Variants in MED15 observed in about 807,000 individuals in gnomAD.
The protein encoded by MED15 is mediator complex subunit 15, also known as mediator of RNA polymerase II transcription subunit 15.
Under a neutral mutation model 118.7 loss-of-function variants are expected in MED15, and 41 were observed. That is an observed-to-expected ratio of 0.35 (90% CI 0.27 to 0.45). MED15 has a LOEUF of 0.45. MED15 is among the 20% of genes least tolerant of loss of function. The pLI, the probability that MED15 is intolerant of heterozygous loss-of-function variation, is 1.00. For missense variants in MED15, 740 were observed against 1,025.5 expected (o/e 0.72, Z 3.80); for synonymous variants, 436 against 413.9 (o/e 1.05, Z -0.65).
At chr22:20,554,685 T>G in intron 4 of MED15, 1 of 382,766 alleles carries the variant, frequency 2.6e-6, no homozygotes, top group Non-Finnish European at 4.7e-6. Flanking sequence ...AGAGAGGTCA[T>G]TTGTCCCTTA....
chr22:20,557,742 G>A (rs1201281990), intron 5 of MED15, among the ~76,000 whole-genome samples: 2 of 152,314 alleles, frequency 1.3e-5, no homozygotes, highest in South Asian at 2.1e-4. Context: ...GCCCTCCCCA[G>A]TCTGGCCTTG....
chr22:20,566,523 G>A lies in MED15; in HGVS notation c.747G>A (p.Gln249=), dbSNP rs1569229702. The A allele has an allele frequency of 1.3e-6, 2 of 1,598,366 alleles. No homozygotes were observed. Among genetic ancestry groups the A allele is most frequent in the East Asian group, 2.2e-5 (1 of 44,674 alleles). ...TAGCACAGCTGCAGCTCCAACAACAGCAACAGCAGCAGCAGCAGCAGCAGC... is the reference window on the plus strand; with the variant it reads ...TAGCACAGCTGCAGCTCCAACAACAACAACAGCAGCAGCAGCAGCAGCAGC... ...QRIAQLQLQQ[Q]QQQQQQQQQQ... Residue 249 remains glutamine (Q), a synonymous_variant, in exon 7 of 18, where the codon CAG becomes CAA. Transcript: ENST00000263205.
At chr22:20,554,855 C>A in intron 4 of MED15, 81 bp from the exon 5 acceptor site, 1 of 1,364,492 alleles carries the variant, frequency 7.3e-7, no homozygotes, top group South Asian at 1.4e-5. Context: ...GAGATCTGTG[C>A]TCTGTGAGCC....
intron 9 of MED15, chr22:20,581,755 G>A (rs772896164): frequency 6.6e-6 from 1 of 152,284 alleles, no homozygotes; most frequent in East Asian, 1.9e-4. Flanking sequence ...TGATGCCTGG[G>A]TGGTGTGGTT....
At position 20,582,609 on chromosome 22, in the gene MED15, A is replaced by T; in HGVS notation, c.1273-2A>T. 1 of 1,548,370 alleles carries T rather than the reference A, an allele frequency of 6.5e-7. No individual in the cohort carries two copies. Among genetic ancestry groups the T allele is most frequent in the South Asian group, 1.2e-5 (1 of 85,296 alleles). ...GCGCCGGCTGAGCCCCTCCACTTCC[A>T]GGTCAGCCAGAGCAGCCTCCCCATG... On this transcript the variant is annotated splice_acceptor_variant, in intron 9 of 17. Coordinates refer to ENST00000263205, the MANE Select transcript of MED15 (RefSeq NM_001003891.3). LOFTEE classifies it high-confidence loss of function.
chr22:20,552,609 G>T, intron 3 of MED15: 2 of 413,314 alleles, frequency 4.8e-6, no homozygotes, highest in Non-Finnish European at 9.9e-6. Context: ...CGAGCAGGAG[G>T]CTCAGGGCCC....
intron 6 of MED15, among the ~76,000 whole-genome samples, chr22:20,565,043 A>G (rs2056385900): frequency 6.6e-6 from 1 of 152,198 alleles, no homozygotes; most frequent in Non-Finnish European, 1.5e-5. Flanking sequence ...GAGAATCGCT[A>G]GAACCTGGGA....
At chr22:20,561,348 G>A (rs1306160649) in intron 5 of MED15, among the ~76,000 whole-genome samples, 10 of 152,154 alleles carry the variant, frequency 6.6e-5, no homozygotes, top group South Asian at 6.2e-4. Flanking sequence ...GTGAAACGCC[G>A]TCTCTCCTAA....
intron 16 of MED15, 158 bp downstream of exon 16, chr22:20,585,425 G>A: frequency 2.0e-6 from 2 of 1,024,094 alleles, no homozygotes; most frequent in Non-Finnish European, 2.8e-6. Flanking sequence ...CCGGGCTCCA[G>A]ACAGCCTGGC....
intron 7 of MED15, among the ~76,000 whole-genome samples, chr22:20,568,006 A>G (rs544165835): frequency 4.3e-4 from 66 of 152,200 alleles, no homozygotes; most frequent in Admixed American, 1.2e-3. Flanking sequence ...CACCTAGCCA[A>G]ATTTTTGTAT....
intron 14 of MED15, 42 bp downstream of exon 14, chr22:20,584,467 C>T (rs372975260): frequency 3.2e-5 from 52 of 1,600,028 alleles, no homozygotes; most frequent in Non-Finnish European, 2.3e-5. Context: ...CCAGGGCTCT[C>T]CTAAGAGCTC....
At chr22:20,514,886 T>C (rs959241389) in intron 1 of MED15, among the ~76,000 whole-genome samples, 5 of 152,244 alleles carry the variant, frequency 3.3e-5, no homozygotes, top group Non-Finnish European at 5.9e-5. Flanking sequence ...CACAGCTCTG[T>C]GCCCTTCTGG....
chr22:20,554,836 T>G, intron 4 of MED15, 100 bp from the exon 5 acceptor site: 1 of 1,178,616 alleles, frequency 8.5e-7, no homozygotes, highest in Non-Finnish European at 1.2e-6. Flanking sequence ...ATTGAGCCTG[T>G]AGGTAGGCGA....
intron 9 of MED15, among the ~76,000 whole-genome samples, chr22:20,581,425 G>A (rs2056978231): frequency 6.6e-6 from 1 of 152,216 alleles, no homozygotes; most frequent in South Asian, 2.1e-4. Flanking sequence ...GGGGTGGTGT[G>A]AGCCGTGGCC....
At chr22:20,524,608 G>A (rs1431393723) in intron 1 of MED15, among the ~76,000 whole-genome samples, 1 of 151,390 alleles carries the variant, frequency 6.6e-6, no homozygotes, top group East Asian at 1.9e-4. Context: ...ATATGTGGCA[G>A]GTTTTTTTTG....
intron 1 of MED15, among the ~76,000 whole-genome samples, chr22:20,531,346 T>C (rs1328397987): frequency 6.6e-6 from 1 of 152,210 alleles, no homozygotes; most frequent in Admixed American, 6.5e-5. Flanking sequence ...ACAGTGGGCC[T>C]CTCCTCACTG....
intron 1 of MED15, among the ~76,000 whole-genome samples, chr22:20,510,485 A>G (rs899188406): frequency 6.6e-6 from 1 of 152,240 alleles, no homozygotes; most frequent in African/African-American, 2.4e-5. Flanking sequence ...AAGGCCTATC[A>G]AGGCTGAAAT....
intron 1 of MED15, among the ~76,000 whole-genome samples, chr22:20,517,476 G>A (rs570649324): frequency 4.6e-5 from 7 of 152,154 alleles, no homozygotes; most frequent in Non-Finnish European, 8.8e-5. Context: ...CAGTGCAGCC[G>A]TTCTCCAAGG....
chr22:20,511,240 G>A (rs1034405783), intron 1 of MED15, among the ~76,000 whole-genome samples: 2 of 152,102 alleles, frequency 1.3e-5, no homozygotes, highest in African/African-American at 4.8e-5. Flanking sequence ...TTGTGGCACC[G>A]TGACTCACAC....
Sources: gnomAD v4.1 joint callset for allele counts (sites outside exome capture counted in the v4.1 genomes callset) on GRCh38, gnomAD v4.1.1 for gene constraint, MANE v1.5 for transcripts, NCBI Gene and HGNC (gene_info 2026-07-23, HGNC 2026-07-21) for gene names.